Variants in CCDC146 observed in about 807,000 individuals in gnomAD.
CCDC146 encodes coiled-coil domain-containing protein 146.
A neutral mutation model predicts 119.3 loss-of-function variants in CCDC146; 92 were observed. The observed-to-expected ratio is 0.77, with a 90% CI of 0.65 to 0.92. The LOEUF (loss-of-function observed/expected upper bound fraction) is 0.92. CCDC146 is among the 40% of genes least tolerant of loss of function. The pLI is 0.00. For synonymous variants in CCDC146, 372 were observed against 371.8 expected (o/e 1.00, Z -0.01); for missense variants, 1,000 against 1,103.0 (o/e 0.91, Z 1.32).
rs201356797 is a variant in CCDC146, at chr7:77,266,157, T to C, written c.1173+3850T>C. On this transcript the variant is annotated intron_variant, in intron 9 of 18. Coordinates refer to ENST00000285871, the MANE Select transcript of CCDC146 (RefSeq NM_020879.3). ...GAATATCATGAGTCTGTGAAGTTAT[T>C]CGCTTTCTAAACATAAGATCATGTC... 6.1e-3 allele frequency among the ~76,000 whole-genome samples: 932 copies of C among 152,336 alleles called. 14 individuals are homozygous for C. The highest frequency in any genetic ancestry group is 0.02 in the African/African-American group (826 of 41,582).
intron 1 of CCDC146, among the ~76,000 whole-genome samples, chr7:77,138,523 T>C (rs1790890654): frequency 6.6e-6 from 1 of 151,800 alleles, no homozygotes; most frequent in African/African-American, 2.4e-5. Flanking sequence ...AAAGAAATCA[T>C]TGATAAGCTG....
chr7:77,158,488 A>G (rs1483506289), intron 1 of CCDC146, among the ~76,000 whole-genome samples: 2 of 151,954 alleles, frequency 1.3e-5, no homozygotes, highest in African/African-American at 4.8e-5. Flanking sequence ...TTGCAATCCT[A>G]TATATTAACT....
chr7:77,286,099 A>G (rs1038528343), intron 15 of CCDC146, among the ~76,000 whole-genome samples: 6 of 152,204 alleles, frequency 3.9e-5, no homozygotes, highest in African/African-American at 1.4e-4. Flanking sequence ...AAAGAGGTTT[A>G]TTTTAGCTCA....
intron 1 of CCDC146, among the ~76,000 whole-genome samples, chr7:77,123,854 C>T (rs1392873247): frequency 6.6e-6 from 1 of 152,162 alleles, no homozygotes; most frequent in Admixed American, 6.5e-5. Context: ...ATTCTTCTTT[C>T]GGTGAAGACT....
chr7:77,184,284 G>C (rs189177854), intron 2 of CCDC146, among the ~76,000 whole-genome samples: 1 of 152,274 alleles, frequency 6.6e-6, no homozygotes, highest in Non-Finnish European at 1.5e-5. Flanking sequence ...TTGAAAATAT[G>C]TCTGCAGGAG....
At chr7:77,271,004 C>T (rs1793500397) in intron 9 of CCDC146, among the ~76,000 whole-genome samples, 1 of 151,746 alleles carries the variant, frequency 6.6e-6, no homozygotes. Flanking sequence ...ATATGGGCAC[C>T]CCCAGCTGCA....
chr7:77,262,209 C>A lies in CCDC146; in HGVS notation c.1075C>A (p.Arg359=). The A allele has an allele frequency of 6.2e-7, 1 of 1,613,768 alleles. No homozygotes were observed. The highest frequency in any genetic ancestry group is 8.5e-7 in the Non-Finnish European group (1 of 1,179,876). The change falls in exon 9 of 19, where the codon CGA becomes AGA. Residue 359 remains arginine, a synonymous_variant. Transcript: ENST00000285871. ...TTCTCGTAAGCAAAGAGAGAAAGAA[C>A]GAGATTTTCGAAATTTAAGAAAGAT... ...ELSRKQREKE[R]DFRNLRKMEL...
chr7:77,158,471 A>G (rs1791208554), intron 1 of CCDC146, among the ~76,000 whole-genome samples: 2 of 152,002 alleles, frequency 1.3e-5, no homozygotes, highest in South Asian at 2.1e-4. Flanking sequence ...TATTAATACA[A>G]TGGGCTTTGC....
intron 1 of CCDC146, among the ~76,000 whole-genome samples, chr7:77,159,022 T>G (rs1791218608): frequency 6.6e-6 from 1 of 152,180 alleles, no homozygotes; most frequent in South Asian, 2.1e-4. Context: ...TATAAAATAC[T>G]GTACATATTT....
intron 9 of CCDC146, among the ~76,000 whole-genome samples, chr7:77,269,025 T>G (rs1455538343): frequency 2.6e-5 from 4 of 152,240 alleles, no homozygotes; most frequent in Non-Finnish European, 5.9e-5. Context: ...TATATGTCCT[T>G]CCAAAGTTCT....
chr7:77,166,095 G>A (rs1418457200), intron 1 of CCDC146, among the ~76,000 whole-genome samples: 3 of 152,104 alleles, frequency 2.0e-5, no homozygotes, highest in Non-Finnish European at 4.4e-5. Context: ...ATGCATATAA[G>A]CAAGTGTTCT....
At chr7:77,230,494 A>ATGTG (rs71524923) in intron 2 of CCDC146, among the ~76,000 whole-genome samples, 22,147 of 149,164 alleles carry the variant, frequency 0.15, 1,687 homozygotes, top group Non-Finnish European at 0.17. Context: ...GTTGACAGGT[A>ATGTG]TGTGTGTGTG....
intron 2 of CCDC146, among the ~76,000 whole-genome samples, chr7:77,235,421 G>A (rs1792715688): frequency 6.6e-6 from 1 of 152,146 alleles, no homozygotes; most frequent in African/African-American, 2.4e-5. Context: ...GGGGGAGTAA[G>A]GAATGACTAA....
chr7:77,156,203 A>G, intron 1 of CCDC146, among the ~76,000 whole-genome samples: 1 of 152,196 alleles, frequency 6.6e-6, no homozygotes, highest in Non-Finnish European at 1.5e-5. Flanking sequence ...ATGTCTGAAC[A>G]TTAACTTTAA....
chr7:77,244,353 A>G (rs1364791602), intron 4 of CCDC146, among the ~76,000 whole-genome samples: 1 of 152,210 alleles, frequency 6.6e-6, no homozygotes, highest in South Asian at 2.1e-4. Context: ...TATAAGGTCT[A>G]CAGTAGTGTA....
chr7:77,234,315 A>G (rs1305425888), intron 2 of CCDC146, among the ~76,000 whole-genome samples: 1 of 151,802 alleles, frequency 6.6e-6, no homozygotes. Context: ...ATACTTTGGG[A>G]AACCAATGAA....
chr7:77,262,312 G>A lies in CCDC146; in HGVS notation c.1173+5G>A. 1.3e-6 allele frequency: 2 copies of A among 1,534,302 alleles called. No individual in the cohort carries two copies. Among genetic ancestry groups the A allele is most frequent in the Non-Finnish European group, 1.8e-6 (2 of 1,139,102 alleles). Reference sequence around the variant, plus strand: ...CATCAAAGGCTTCTATTAGAGGTGAGGGCTGTAAACTACCATCTGATTTTT... The same window carrying A: ...CATCAAAGGCTTCTATTAGAGGTGAAGGCTGTAAACTACCATCTGATTTTT... On this transcript the variant is annotated splice_donor_5th_base_variant and intron_variant, in intron 9 of 18. Transcript: ENST00000285871.
chr7:77,232,319 T>C (rs1205867211), intron 2 of CCDC146, among the ~76,000 whole-genome samples: 3 of 152,184 alleles, frequency 2.0e-5, no homozygotes, highest in African/African-American at 7.2e-5. Flanking sequence ...GGAAGTACCC[T>C]GTCTGGTTGA....
chr7:77,132,290 A>T (rs1371008401), intron 1 of CCDC146, among the ~76,000 whole-genome samples: 1 of 152,134 alleles, frequency 6.6e-6, no homozygotes, highest in Non-Finnish European at 1.5e-5. Context: ...CTAGAAAACA[A>T]TCCCTCATGA....
Sources: gnomAD v4.1 joint callset for allele counts (sites outside exome capture counted in the v4.1 genomes callset) on GRCh38, gnomAD v4.1.1 for gene constraint, MANE v1.5 for transcripts, NCBI Gene and HGNC (gene_info 2026-07-23, HGNC 2026-07-21) for gene names.